ATRX: variants seen among roughly 807,000 people sequenced by gnomAD.
The protein encoded by ATRX is ATRX chromatin remodeler.
Under a neutral mutation model 172.6 loss-of-function variants are expected in ATRX, and 12 were observed. That is an observed-to-expected ratio of 0.07 (90% CI 0.04 to 0.11). The LOEUF (loss-of-function observed/expected upper bound fraction) is 0.11, where lower values mean the gene tolerates loss of function less well. Among genes scored for constraint, ATRX ranks in the 10% least tolerant of loss-of-function variants. The pLI, the probability that ATRX is intolerant of heterozygous loss-of-function variation, is 1.00. For synonymous variants in ATRX, 674 were observed against 594.7 expected, an observed-to-expected ratio of 1.13 and a Z score of -1.94; for missense variants, 1,368 against 1,767.4, an observed-to-expected ratio of 0.77 and a Z score of 4.05.
chrX:77,625,655 T>A (rs782652400), intron 19 of ATRX, among the ~76,000 whole-genome samples: 1 of 111,593 alleles, frequency 9.0e-6, no homozygotes, highest in East Asian at 2.8e-4. Flanking sequence ...ATGCTCAACA[T>A]CACTAATGAT....
chrX:77,554,924 T>C (rs1557058173), intron 30 of ATRX, among the ~76,000 whole-genome samples: 1 of 112,528 alleles, frequency 8.9e-6, no homozygotes. Flanking sequence ...CATGGCATTG[T>C]GTTTTAAAAA....
chrX:77,717,046 G>T, intron 2 of ATRX, 85 bp downstream of exon 2: 1 of 815,966 alleles, frequency 1.2e-6, no homozygotes, highest in Non-Finnish European at 1.8e-6. Context: ...GCTGCTCTCT[G>T]AATAAAATAA....
chrX:77,773,788 T>C (rs782138681), intron 1 of ATRX, among the ~76,000 whole-genome samples: 1 of 109,690 alleles, frequency 9.1e-6, no homozygotes, highest in East Asian at 2.9e-4. Flanking sequence ...TTCTAAAACA[T>C]AGTAAAAGCA....
At chrX:77,627,570 A>C (rs374208174) in intron 19 of ATRX, among the ~76,000 whole-genome samples, 9 of 109,928 alleles carry the variant, frequency 8.2e-5, no homozygotes, top group Admixed American at 6.8e-4. Context: ...TCTCCAAAAA[A>C]TTAGTTGTGT....
intron 2 of ATRX, among the ~76,000 whole-genome samples, chrX:77,712,905 C>T (rs1466054394): frequency 9.0e-6 from 1 of 111,311 alleles, no homozygotes; most frequent in Non-Finnish European, 1.9e-5. Context: ...AATCCCAGCA[C>T]TTTGGGAGGT....
chrX:77,563,702 CGT>C (rs201190876), intron 28 of ATRX, among the ~76,000 whole-genome samples: 15,289 of 95,271 alleles, frequency 0.16, 1,043 homozygotes, highest in Middle Eastern at 0.25. Flanking sequence ...TGTGTACATG[CGT>C]GTGTGTGTGT....
chrX:77,654,290 T>A, intron 13 of ATRX, 90 bp from the exon 14 acceptor site: 1 of 701,536 alleles, frequency 1.4e-6, no homozygotes, highest in South Asian at 2.4e-5. Flanking sequence ...TCTACCTCTG[T>A]ATGCATTCCT....
At chrX:77,715,994 G>A (rs1461178557) in intron 2 of ATRX, among the ~76,000 whole-genome samples, 1 of 109,363 alleles carries the variant, frequency 9.1e-6, no homozygotes, top group Non-Finnish European at 1.9e-5. Flanking sequence ...AGGGAACCAG[G>A]TACAATGGCT....
intron 28 of ATRX, among the ~76,000 whole-genome samples, chrX:77,566,863 C>T (rs782469570): frequency 3.3e-4 from 37 of 111,964 alleles, no homozygotes; most frequent in Non-Finnish European, 6.2e-4. Flanking sequence ...TAAGTCAATA[C>T]AACAATTTCA....
rs782625886 is a variant in ATRX at position 77,663,500 on chromosome X, T to C, written c.4002A>G (p.Pro1334=). 2 of 1,211,284 alleles carry C rather than the reference T, an allele frequency of 1.7e-6. No individual in the cohort carries two copies. The highest frequency in any genetic ancestry group is 5.9e-5 in the East Asian group (2 of 33,857). ...SDSDSEESKK[P]RYRHRLLRHK... Reference sequence around the variant, plus strand: ...GCCGCAAAAGCCTATGTCTGTATCTTGGCTTCTTAGATTCTTCAGAATCTG... The same window carrying C: ...GCCGCAAAAGCCTATGTCTGTATCTCGGCTTCTTAGATTCTTCAGAATCTG... The change falls in exon 12 of 35, where the codon CCA becomes CCG. Residue 1334 remains proline (P), a synonymous_variant. Transcript: ENST00000373344.
chrX:77,751,997 G>A (rs782415637), intron 1 of ATRX, among the ~76,000 whole-genome samples: 11 of 110,953 alleles, frequency 9.9e-5, no homozygotes, highest in Admixed American at 1.9e-4. Context: ...TTGGCTCTAC[G>A]TAGTTTTTCC....
intron 15 of ATRX, among the ~76,000 whole-genome samples, chrX:77,645,162 T>C (rs1463598800): frequency 6.3e-5 from 7 of 111,432 alleles, no homozygotes; most frequent in Admixed American, 3.8e-4. Flanking sequence ...TTTTAAAAAA[T>C]AGACACAGCA....
chrX:77,723,317 T>C (rs1040726722), intron 1 of ATRX, among the ~76,000 whole-genome samples: 29 of 111,604 alleles, frequency 2.6e-4, no homozygotes, highest in African/African-American at 9.1e-4. Context: ...CCAACAATTC[T>C]ACTTCTAGAT....
At chrX:77,509,145 C>T (rs1045163731) in intron 34 of ATRX, among the ~76,000 whole-genome samples, 2 of 111,632 alleles carry the variant, frequency 1.8e-5, no homozygotes, top group Admixed American at 9.5e-5. Flanking sequence ...TGGTGTCAAG[C>T]GTAGAAATTT....
chrX:77,598,466 T>C (rs1189836258), intron 25 of ATRX, among the ~76,000 whole-genome samples: 2 of 111,681 alleles, frequency 1.8e-5, no homozygotes, highest in African/African-American at 6.5e-5. Context: ...ATTAAAATAA[T>C]TAATCACCAA....
intron 2 of ATRX, among the ~76,000 whole-genome samples, chrX:77,708,264 T>C (rs1452976220): frequency 8.9e-6 from 1 of 111,817 alleles, no homozygotes; most frequent in Non-Finnish European, 1.9e-5. Flanking sequence ...AGGAATGGAG[T>C]ACTAAGACAT....
intron 1 of ATRX, among the ~76,000 whole-genome samples, chrX:77,762,304 C>CA (rs782237740): frequency 0.14 from 3,225 of 22,729 alleles, 232 homozygotes; most frequent in Non-Finnish European, 0.18. Context: ...GACTCTGTCT[C>CA]AAAAAAAAAA....
chrX:77,601,594 T>C (rs1341732479), intron 22 of ATRX, among the ~76,000 whole-genome samples: 1 of 111,030 alleles, frequency 9.0e-6, no homozygotes, highest in African/African-American at 3.3e-5. Flanking sequence ...CTATAAAACA[T>C]AAAGAAAATG....
At chrX:77,784,593 G>A (rs1014046056) in intron 1 of ATRX, among the ~76,000 whole-genome samples, 3 of 111,606 alleles carry the variant, frequency 2.7e-5, no homozygotes, top group African/African-American at 6.5e-5. Flanking sequence ...TACCACTTAC[G>A]TGCCTAATAC....
Sources: gnomAD v4.1 joint callset for allele counts (sites outside exome capture counted in the v4.1 genomes callset) on GRCh38, gnomAD v4.1.1 for gene constraint, MANE v1.5 for transcripts, NCBI Gene and HGNC (gene_info 2026-07-23, HGNC 2026-07-21) for gene names.